PLGRKT: variants seen among roughly 807,000 people sequenced by gnomAD.
PLGRKT encodes the protein plasminogen receptor (KT).
In PLGRKT, 22 loss-of-function variants were observed where a neutral mutation model predicts 18.5. The observed-to-expected ratio is 1.19, with a 90% CI of 0.85 to 1.70. The LOEUF (loss-of-function observed/expected upper bound fraction) is 1.70. Ranked by LOEUF, PLGRKT falls within the 40% of genes most tolerant of loss-of-function variation. PLGRKT has a pLI of 0.00. For missense variants in PLGRKT, 235 were observed against 174.4 expected (o/e 1.35, Z -1.96); for synonymous variants, 72 against 52.8 (o/e 1.36, Z -1.58).
chr9:5,418,815 G>T lies in PLGRKT; in HGVS notation c.81+13082C>A. 1.0e-6 allele frequency: 1 copy of T among 961,026 alleles called. No individual in the cohort carries two copies. 59.5% of individuals were successfully genotyped at this position (961,026 alleles called of 1,614,324 possible). A position where few individuals can be genotyped will look rare whatever the true frequency, so the allele number is the denominator to read the frequency against. On this transcript the variant is annotated intron_variant, in intron 3 of 5. Transcript: ENST00000223864. The surrounding 1 kb of genome is among the most constrained non-coding windows in gnomAD (Gnocchi z 4.2). ...AGTCAGGGGGCAGCTTGGTGACACC[G>T]CTGCACCAGGGGCATCGCACATCCT...
At chr9:5,388,888 G>C (rs909073776) in intron 3 of PLGRKT, among the ~76,000 whole-genome samples, 1 of 152,042 alleles carries the variant, frequency 6.6e-6, no homozygotes, top group Admixed American at 6.5e-5. Context: ...CTGGCACATA[G>C]CAAGTGCTAA....
chr9:5,423,544 G>C (rs1453808812), intron 3 of PLGRKT, among the ~76,000 whole-genome samples: 3 of 151,872 alleles, frequency 2.0e-5, no homozygotes, highest in Non-Finnish European at 4.4e-5. Flanking sequence ...TTCCTCCCAG[G>C]CACTGACCTT....
intron 3 of PLGRKT, among the ~76,000 whole-genome samples, chr9:5,402,508 T>G (rs907434651): frequency 1.3e-5 from 2 of 151,914 alleles, no homozygotes; most frequent in Admixed American, 1.3e-4. Flanking sequence ...ACTGTCTCCC[T>G]ACCCTCCAGA....
At chr9:5,421,226 G>A (rs1200568913) in intron 3 of PLGRKT, among the ~76,000 whole-genome samples, 1 of 152,176 alleles carries the variant, frequency 6.6e-6, no homozygotes, top group Non-Finnish European at 1.5e-5. Context: ...TCCCAGCTCA[G>A]TGTCTCTGCA....
At chr9:5,396,552 C>T (rs7025853) in intron 3 of PLGRKT, among the ~76,000 whole-genome samples, 42,961 of 151,778 alleles carry the variant, frequency 0.28, 7,256 homozygotes, top group African/African-American at 0.44. Flanking sequence ...ACCTCAGCCT[C>T]GCAAAGTGCT....
At chr9:5,376,391 A>G (rs911962018) in intron 3 of PLGRKT, among the ~76,000 whole-genome samples, 1 of 152,190 alleles carries the variant, frequency 6.6e-6, no homozygotes, top group Non-Finnish European at 1.5e-5. Context: ...CTTTGTGTCC[A>G]TGGGTAGGTC....
At chr9:5,389,224 T>A (rs1194293782) in intron 3 of PLGRKT, among the ~76,000 whole-genome samples, 1 of 151,912 alleles carries the variant, frequency 6.6e-6, no homozygotes. Flanking sequence ...TGAAAAATAG[T>A]AAGGCTGCAG....
At chr9:5,384,575 C>T (rs1016691237) in intron 3 of PLGRKT, among the ~76,000 whole-genome samples, 1 of 152,032 alleles carries the variant, frequency 6.6e-6, no homozygotes, top group African/African-American at 2.4e-5. Flanking sequence ...TACTTAGCTA[C>T]TCTGGAGATA....
intron 3 of PLGRKT, among the ~76,000 whole-genome samples, chr9:5,377,217 T>A (rs1455597489): frequency 6.6e-6 from 1 of 150,660 alleles, no homozygotes; most frequent in Admixed American, 6.6e-5. Context: ...AAGCATAATA[T>A]AAAATTCTTT....
chr9:5,382,192 G>A (rs16923101), intron 3 of PLGRKT, among the ~76,000 whole-genome samples: 20,405 of 152,186 alleles, frequency 0.13, 1,564 homozygotes, highest in East Asian at 0.3. Context: ...GGCAGTCTCC[G>A]GATGCTAAGG....
chr9:5,425,480 T>G (rs997895942), intron 3 of PLGRKT, among the ~76,000 whole-genome samples: 7 of 152,216 alleles, frequency 4.6e-5, no homozygotes, highest in African/African-American at 1.4e-4. Context: ...TTTAATTTCG[T>G]TTCCTGATTG....
chr9:5,379,282 T>G (rs998351704), intron 3 of PLGRKT, among the ~76,000 whole-genome samples: 1 of 152,220 alleles, frequency 6.6e-6, no homozygotes, highest in East Asian at 1.9e-4. Flanking sequence ...TACAAGCTCA[T>G]TGTAAGATTT....
At chr9:5,430,625 A>T (rs1384753794) in intron 3 of PLGRKT, among the ~76,000 whole-genome samples, 1 of 152,202 alleles carries the variant, frequency 6.6e-6, no homozygotes, top group Admixed American at 6.5e-5. Flanking sequence ...CAGTGTACAG[A>T]TCAGGAGACT....
chr9:5,379,826 G>C (rs1817702794), intron 3 of PLGRKT, among the ~76,000 whole-genome samples: 1 of 152,304 alleles, frequency 6.6e-6, no homozygotes, highest in Middle Eastern at 3.4e-3. Flanking sequence ...GAGTACAGTA[G>C]TTTTAAGGAC....
At chr9:5,435,017 C>A (rs1237435702) in intron 2 of PLGRKT, among the ~76,000 whole-genome samples, 1 of 151,858 alleles carries the variant, frequency 6.6e-6, no homozygotes. Flanking sequence ...TATAACCTTA[C>A]CCCCAACCCC....
At chr9:5,413,462 A>C (rs1208170199) in intron 3 of PLGRKT, among the ~76,000 whole-genome samples, 1 of 152,204 alleles carries the variant, frequency 6.6e-6, no homozygotes, top group Non-Finnish European at 1.5e-5. Context: ...TGTATTATCC[A>C]GGCCCAGTGT....
intron 4 of PLGRKT, 76 bp downstream of exon 4, chr9:5,361,682 A>T: frequency 7.1e-7 from 1 of 1,411,830 alleles, no homozygotes; most frequent in Non-Finnish European, 9.7e-7. Context: ...TATTCTGGCC[A>T]ACTTCATAAT....
intron 3 of PLGRKT, among the ~76,000 whole-genome samples, chr9:5,375,434 T>G (rs1213537789): frequency 6.6e-6 from 1 of 152,134 alleles, no homozygotes; most frequent in Non-Finnish European, 1.5e-5. Context: ...ACAATTAGTG[T>G]GCCCAGTATC....
At chr9:5,425,042 G>C (rs972671505) in intron 3 of PLGRKT, among the ~76,000 whole-genome samples, 1 of 152,070 alleles carries the variant, frequency 6.6e-6, no homozygotes, top group African/African-American at 2.4e-5. Context: ...CCTTTAGTTT[G>C]TTGCTTGAAC....
Sources: allele counts gnomAD v4.1 joint callset (sites outside exome capture counted in the v4.1 genomes callset), GRCh38; gene constraint gnomAD v4.1.1; non-coding constraint Gnocchi (gnomAD v3.1); transcripts MANE v1.5; gene names NCBI Gene and HGNC (gene_info 2026-07-23, HGNC 2026-07-21).